Variants in ZNF804B observed in about 807,000 individuals in gnomAD.
The protein encoded by ZNF804B is zinc finger protein 804B, also known as zinc finger 804B.
A neutral mutation model predicts 101.4 loss-of-function variants in ZNF804B; 80 were observed. That is an observed-to-expected ratio of 0.79 (90% CI 0.66 to 0.95). ZNF804B has a LOEUF of 0.95. ZNF804B is among the 40% of genes least tolerant of loss of function. The pLI, the probability that ZNF804B is intolerant of heterozygous loss-of-function variation, is 0.00. For synonymous variants in ZNF804B, 622 were observed against 558.8 expected, an observed-to-expected ratio of 1.11 and a Z score of -1.59; for missense variants, 1,673 against 1,561.9, an observed-to-expected ratio of 1.07 and a Z score of -1.20.
chr7:88,802,939 G>A (rs759639449), intron 1 of ZNF804B, among the ~76,000 whole-genome samples: 1 of 151,986 alleles, frequency 6.6e-6, no homozygotes, highest in East Asian at 1.9e-4. Flanking sequence ...ATACTATAAG[G>A]CACCCCCTTA....
chr7:88,949,242 C>G (rs146061849), intron 1 of ZNF804B, among the ~76,000 whole-genome samples: 1 of 151,836 alleles, frequency 6.6e-6, no homozygotes, highest in East Asian at 2.0e-4. Context: ...GACAATTGAC[C>G]ATTTGCGCTT....
At chr7:88,796,819 T>C (rs1790493553) in intron 1 of ZNF804B, among the ~76,000 whole-genome samples, 1 of 152,032 alleles carries the variant, frequency 6.6e-6, no homozygotes, top group East Asian at 1.9e-4. Context: ...ACGTTTGAAA[T>C]TGGAAATTGA....
rs1788981858 is a variant in ZNF804B at position 89,220,163 on chromosome 7, G to GTGTGTATATACATGTATATACA, written c.249+1868_249+1869insTGTGTATATACATGTATATACA. 9.3e-5 allele frequency among the ~76,000 whole-genome samples: 4 copies of GTGTGTATATACATGTATATACA among 42,980 alleles called. 1 individual carries two copies. Among genetic ancestry groups the GTGTGTATATACATGTATATACA allele is most frequent in the Non-Finnish European group, 1.6e-4 (3 of 19,278 alleles). 28.2% of individuals were successfully genotyped at this position (42,980 alleles called of 152,430 possible). ...TGTGTGTATATACATATATATATAC[G>GTGTGTATATACATGTATATACA]CACATATATATGTGTGTATATATAT... On this transcript the variant is annotated intron_variant, in intron 2 of 3. Transcript: ENST00000333190.
At chr7:88,955,370 A>AT (rs2116078040) in intron 1 of ZNF804B, among the ~76,000 whole-genome samples, 1 of 151,704 alleles carries the variant, frequency 6.6e-6, no homozygotes, top group East Asian at 2.0e-4. Flanking sequence ...TTGGAGCTGA[A>AT]TATTATCCAG....
chr7:89,331,143 G>A (rs1046187844), intron 3 of ZNF804B, among the ~76,000 whole-genome samples: 13 of 151,576 alleles, frequency 8.6e-5, no homozygotes, highest in Non-Finnish European at 1.8e-4. Context: ...ATGTCAGATC[G>A]ATTGAAGCTT....
chr7:89,017,221 G>A (rs541962785), intron 1 of ZNF804B, among the ~76,000 whole-genome samples: 79 of 152,262 alleles, frequency 5.2e-4, no homozygotes, highest in African/African-American at 1.5e-3. Context: ...GCTTATCAGC[G>A]TAAGGAGATT....
intron 2 of ZNF804B, among the ~76,000 whole-genome samples, chr7:89,240,263 T>A (rs189062728): frequency 6.6e-6 from 1 of 152,214 alleles, no homozygotes; most frequent in East Asian, 1.9e-4. Flanking sequence ...TATTTCTAGC[T>A]TGAATAAGTA....
chr7:89,220,032 C>CATATATGTGT (rs1788969785), intron 2 of ZNF804B, among the ~76,000 whole-genome samples: 1 of 88,048 alleles, frequency 1.1e-5, no homozygotes, highest in African/African-American at 4.9e-5. Context: ...CATATATATA[C>CATATATGTGT]GCACATATAT....
At chr7:89,295,221 A>C (rs987866388) in intron 2 of ZNF804B, among the ~76,000 whole-genome samples, 4 of 152,016 alleles carry the variant, frequency 2.6e-5, no homozygotes, top group African/African-American at 9.7e-5. Flanking sequence ...ATCTGGGCCC[A>C]TTTTTATATT....
At chr7:88,918,687 A>G (rs569873714) in intron 1 of ZNF804B, among the ~76,000 whole-genome samples, 15 of 152,268 alleles carry the variant, frequency 9.9e-5, no homozygotes, top group African/African-American at 2.6e-4. Context: ...CTTGTTTTAC[A>G]CATATTGGAA....
At chr7:89,049,794 G>T (rs1035109752) in intron 1 of ZNF804B, among the ~76,000 whole-genome samples, 1 of 152,070 alleles carries the variant, frequency 6.6e-6, no homozygotes, top group Non-Finnish European at 1.5e-5. Context: ...GGCATATAAT[G>T]TAAAGTCAGA....
At chr7:89,226,336 A>G (rs1379870419) in intron 2 of ZNF804B, among the ~76,000 whole-genome samples, 1 of 152,140 alleles carries the variant, frequency 6.6e-6, no homozygotes, top group African/African-American at 2.4e-5. Context: ...AAAATACTAG[A>G]AACAATCTAA....
chr7:89,242,255 A>C (rs1386105355), intron 2 of ZNF804B, among the ~76,000 whole-genome samples: 1 of 151,240 alleles, frequency 6.6e-6, no homozygotes, highest in African/African-American at 2.5e-5. Flanking sequence ...ACTGTTGGAA[A>C]GAAGTAAGCT....
intron 1 of ZNF804B, among the ~76,000 whole-genome samples, chr7:88,832,075 A>G (rs1243522515): frequency 6.6e-6 from 1 of 151,764 alleles, no homozygotes; most frequent in Non-Finnish European, 1.5e-5. Flanking sequence ...TATAAATATT[A>G]GGGGGAGCTC....
At chr7:89,141,873 G>A (rs111911445) in intron 1 of ZNF804B, among the ~76,000 whole-genome samples, 14,319 of 127,390 alleles carry the variant, frequency 0.11, 752 homozygotes, top group Middle Eastern at 0.16. Context: ...AGAATTGAAA[G>A]ATAAAAAAAG....
chr7:88,918,377 A>T (rs1187451756), intron 1 of ZNF804B, among the ~76,000 whole-genome samples: 1 of 152,160 alleles, frequency 6.6e-6, no homozygotes, highest in East Asian at 1.9e-4. Flanking sequence ...CTTACTGTCA[A>T]GTCAAAATTC....
chr7:89,336,799 G>C lies in ZNF804B; in HGVS notation c.3817G>C (p.Ala1273Pro), dbSNP rs1232041906. Residue 1273 changes from alanine (A) to proline (P), a missense_variant, in exon 4 of 4, where the codon GCT becomes CCT. Ala to Pro is a conservative substitution (Grantham distance 27). Transcript: ENST00000333190. ...AGGTCATCCCCTGCATTTAGTAGCT[G>C]CTACCCCCTTCCACCCATCTCACAT... ...LAGHPLHLVAATPFHPSHITL... is the reference protein window; with the variant it reads ...LAGHPLHLVAPTPFHPSHITL... 3.1e-6 allele frequency: 5 copies of C among 1,613,924 alleles called. No individual in the cohort carries two copies. In the Admixed American group the frequency reaches 5.0e-5, roughly 16 times the overall value.
At chr7:89,135,473 A>T (rs1790617416) in intron 1 of ZNF804B, among the ~76,000 whole-genome samples, 2 of 152,002 alleles carry the variant, frequency 1.3e-5, no homozygotes, top group African/African-American at 4.8e-5. Flanking sequence ...GATTTATCAC[A>T]TTTTTTTACT....
Position 88,885,750 on chromosome 7 carries a change from T to C in ZNF804B, c.108+125666T>C, listed in dbSNP as rs949198031. ...ACTTAAAGAGAATATCTTCTTGTCA[T>C]TGTGAAATCGATAAAATATAAAAGC... On this transcript the variant is annotated intron_variant, in intron 1 of 3. Coordinates refer to ENST00000333190, the MANE Select transcript of ZNF804B (RefSeq NM_181646.5). 9.2e-5 allele frequency among the ~76,000 whole-genome samples: 14 copies of C among 151,690 alleles called. No homozygotes were observed. The South Asian group carries it at 2.9e-3, about 32-fold the overall frequency.
Sources: allele counts gnomAD v4.1 joint callset (sites outside exome capture counted in the v4.1 genomes callset), GRCh38; gene constraint gnomAD v4.1.1; transcripts MANE v1.5; gene names NCBI Gene and HGNC (gene_info 2026-07-23, HGNC 2026-07-21).